ASTN1: variants seen among roughly 807,000 people sequenced by gnomAD.
The protein encoded by ASTN1 is astrotactin 1.
In ASTN1, 41 loss-of-function variants were observed where a neutral mutation model predicts 140.7. That is an observed-to-expected ratio of 0.29 (90% CI 0.23 to 0.38). The LOEUF (loss-of-function observed/expected upper bound fraction) is 0.38, where lower values mean the gene tolerates loss of function less well. Among genes scored for constraint, ASTN1 ranks in the 10% least tolerant of loss-of-function variants. The pLI is 1.00. For synonymous variants in ASTN1, 640 were observed against 652.2 expected (o/e 0.98, Z 0.29); for missense variants, 1,479 against 1,678.8 (o/e 0.88, Z 2.08).
intron 1 of ASTN1, among the ~76,000 whole-genome samples, chr1:177,101,776 C>T (rs955604032): frequency 3.3e-5 from 5 of 152,148 alleles, no homozygotes; most frequent in Non-Finnish European, 5.9e-5. Context: ...TAGTAGATGT[C>T]CTATCAGTAA....
At chr1:176,936,854 T>C (rs1259955315) in intron 14 of ASTN1, among the ~76,000 whole-genome samples, 2 of 152,240 alleles carry the variant, frequency 1.3e-5, no homozygotes, top group Non-Finnish European at 2.9e-5. Flanking sequence ...TTCGGATTTC[T>C]ACCAGCTGTA....
At position 176,960,377 on chromosome 1, in the gene ASTN1, A is replaced by G. The variant is rs143352167; in HGVS notation, c.1599-1895T>C. 3.8e-3 allele frequency among the ~76,000 whole-genome samples: 585 copies of G among 152,326 alleles called. 1 individual carries two copies. Among genetic ancestry groups the G allele is most frequent in the African/African-American group, 0.012 (517 of 41,564 alleles). ...AATTTTGTTTTCTATTTTGATTTCA[A>G]AATTACAATATCTGCATTGATGCAG... On this transcript the variant is annotated intron_variant, in intron 9 of 22. Coordinates refer to ENST00000361833, the MANE Select transcript of ASTN1 (RefSeq NM_004319.3).
At chr1:177,067,785 A>C (rs1678438273) in intron 1 of ASTN1, among the ~76,000 whole-genome samples, 1 of 152,166 alleles carries the variant, frequency 6.6e-6, no homozygotes, top group South Asian at 2.1e-4. Context: ...TGTCCTGGCC[A>C]TCTGTGAAGG....
intron 1 of ASTN1, among the ~76,000 whole-genome samples, chr1:177,122,962 A>G (rs760279606): frequency 1.3e-5 from 2 of 152,108 alleles, no homozygotes; most frequent in African/African-American, 4.8e-5. Flanking sequence ...TCATAACTGA[A>G]GCGCTTCCTG....
intron 1 of ASTN1, among the ~76,000 whole-genome samples, chr1:177,097,684 T>C (rs1250434338): frequency 6.6e-6 from 1 of 152,120 alleles, no homozygotes; most frequent in Non-Finnish European, 1.5e-5. Context: ...GCTAATGAGA[T>C]AAATGGGGTA....
chr1:177,109,282 AAAG>A (rs2102150302), intron 1 of ASTN1, among the ~76,000 whole-genome samples: 1 of 152,338 alleles, frequency 6.6e-6, no homozygotes, highest in African/African-American at 2.4e-5. Flanking sequence ...CCATTTGTTC[AAAG>A]AATAGAAGAC....
At chr1:177,078,870 T>C (rs1237313535) in intron 1 of ASTN1, among the ~76,000 whole-genome samples, 6 of 152,240 alleles carry the variant, frequency 3.9e-5, no homozygotes, top group Non-Finnish European at 7.4e-5. Context: ...AAAAATGCAC[T>C]GTACATGACA....
intron 1 of ASTN1, among the ~76,000 whole-genome samples, chr1:177,089,769 T>G (rs1442087381): frequency 2.0e-5 from 3 of 152,114 alleles, no homozygotes; most frequent in African/African-American, 7.2e-5. Context: ...TTCTCAACCC[T>G]ACAAACTCCA....
chr1:177,088,548 CT>C (rs1412651819), intron 1 of ASTN1, among the ~76,000 whole-genome samples: 1 of 152,162 alleles, frequency 6.6e-6, no homozygotes, highest in African/African-American at 2.4e-5. Flanking sequence ...GAAAAACACA[CT>C]TTTTTTGTGA....
chr1:176,928,314 AT>A (rs1671060955), intron 16 of ASTN1, among the ~76,000 whole-genome samples: 1 of 152,114 alleles, frequency 6.6e-6, no homozygotes, highest in Non-Finnish European at 1.5e-5. Context: ...TGGGAAGAAG[AT>A]TTACTTTTCA....
At chr1:177,118,946 A>G (rs568269963) in intron 1 of ASTN1, among the ~76,000 whole-genome samples, 32 of 152,266 alleles carry the variant, frequency 2.1e-4, no homozygotes, top group African/African-American at 7.2e-4. Context: ...GATTTCTTTT[A>G]TGCTTAATGA....
At chr1:177,015,063 A>T (rs1675481069) in intron 7 of ASTN1, among the ~76,000 whole-genome samples, 188 bp from the exon 8 acceptor site, 1 of 152,166 alleles carries the variant, frequency 6.6e-6, no homozygotes, top group African/African-American at 2.4e-5. Context: ...TACTCCAACC[A>T]ATCTCTCCCT....
chr1:177,046,819 G>A (rs1393444954), intron 2 of ASTN1, among the ~76,000 whole-genome samples: 7 of 152,128 alleles, frequency 4.6e-5, no homozygotes, highest in African/African-American at 1.7e-4. Context: ...GGAGCCACAG[G>A]ACCAGAGACG....
intron 16 of ASTN1, among the ~76,000 whole-genome samples, chr1:176,920,178 C>G (rs775283553): frequency 1.3e-5 from 2 of 152,104 alleles, no homozygotes; most frequent in Admixed American, 6.5e-5. Flanking sequence ...CGCTGATGGG[C>G]TTTGTATGGT....
At chr1:176,896,826 G>A (rs980456457) in intron 16 of ASTN1, among the ~76,000 whole-genome samples, 3 of 152,154 alleles carry the variant, frequency 2.0e-5, no homozygotes, top group African/African-American at 7.2e-5. Flanking sequence ...ATCACATTCT[G>A]ATGAGTCTGA....
At chr1:176,947,701 G>T (rs189214784) in intron 12 of ASTN1, among the ~76,000 whole-genome samples, 2 of 152,248 alleles carry the variant, frequency 1.3e-5, no homozygotes, top group African/African-American at 2.4e-5. Context: ...AAGCTGGCTG[G>T]TTCCCTCTCA....
At chr1:176,931,330 G>A (rs1671198204) in intron 16 of ASTN1, among the ~76,000 whole-genome samples, 2 of 152,278 alleles carry the variant, frequency 1.3e-5, no homozygotes, top group Non-Finnish European at 2.9e-5. Context: ...GCCAGGCATA[G>A]TGGTGCATGC....
intron 16 of ASTN1, among the ~76,000 whole-genome samples, chr1:176,908,824 A>T (rs898832220): frequency 1.3e-5 from 2 of 151,338 alleles, no homozygotes; most frequent in African/African-American, 4.9e-5. Flanking sequence ...GTGATTAATT[A>T]AAAAAAAATA....
At chr1:177,028,864 G>C (rs1466921338) in intron 5 of ASTN1, among the ~76,000 whole-genome samples, 5 of 152,138 alleles carry the variant, frequency 3.3e-5, no homozygotes, top group African/African-American at 1.2e-4. Flanking sequence ...CAGAGAACTT[G>C]TTGTTCTTAT....
Sources: gnomAD v4.1 joint callset for allele counts (sites outside exome capture counted in the v4.1 genomes callset) on GRCh38, gnomAD v4.1.1 for gene constraint, MANE v1.5 for transcripts, NCBI Gene and HGNC (gene_info 2026-07-23, HGNC 2026-07-21) for gene names.